The following UCHL3 variants were observed in gnomAD, a reference collection of about 807,000 sequenced individuals.
The protein encoded by UCHL3 is ubiquitin C-terminal hydrolase L3.
A neutral mutation model predicts 35.8 loss-of-function variants in UCHL3; 22 were observed. The ratio of observed to expected loss-of-function variants is 0.61; its 90% CI spans 0.44 to 0.88. UCHL3 has a LOEUF of 0.88. Ranked by LOEUF, UCHL3 falls within the 40% of genes least tolerant of loss-of-function variation. The pLI, the probability that UCHL3 is intolerant of heterozygous loss-of-function variation, is 0.00. For synonymous variants in UCHL3, 90 were observed against 92.8 expected (o/e 0.97, Z 0.17); for missense variants, 229 against 276.9 (o/e 0.83, Z 1.23).
chr13:75,569,282 A>T (rs1229819472), intron 5 of UCHL3, 178 bp from the exon 6 acceptor site: 2 of 479,388 alleles, frequency 4.2e-6, no homozygotes, highest in African/African-American at 2.0e-5. Flanking sequence ...ACAGTACAGC[A>T]ATTCATTTGA....
chr13:75,578,170 T>G (rs2032080382), intron 6 of UCHL3, among the ~76,000 whole-genome samples: 1 of 151,606 alleles, frequency 6.6e-6, no homozygotes, highest in Non-Finnish European at 1.5e-5. Flanking sequence ...ACCATGAACA[T>G]TTTTTTTGTT....
intron 6 of UCHL3, among the ~76,000 whole-genome samples, chr13:75,588,346 T>C (rs2032384184): frequency 6.6e-6 from 1 of 152,134 alleles, no homozygotes. Flanking sequence ...TCTCTTCCTT[T>C]ACATCATTTA....
chr13:75,582,116 G>T (rs1393580244), intron 6 of UCHL3, among the ~76,000 whole-genome samples: 1 of 144,928 alleles, frequency 6.9e-6, no homozygotes, highest in Non-Finnish European at 1.5e-5. Flanking sequence ...GTAGGTCCTT[G>T]TGCTTCTGAA....
intron 6 of UCHL3, among the ~76,000 whole-genome samples, chr13:75,576,396 A>AT (rs1367479579): frequency 2.0e-5 from 3 of 151,696 alleles, no homozygotes; most frequent in Non-Finnish European, 4.4e-5. Context: ...CACCCGGCTA[A>AT]TTTTTTGTAT....
At chr13:75,553,215 C>A (rs2031175519) in intron 2 of UCHL3, among the ~76,000 whole-genome samples, 1 of 152,164 alleles carries the variant, frequency 6.6e-6, no homozygotes, top group African/African-American at 2.4e-5. Context: ...TGAGCTGCTG[C>A]CTTACCTGTT....
At chr13:75,570,225 A>G (rs967517972) in intron 6 of UCHL3, among the ~76,000 whole-genome samples, 2 of 151,966 alleles carry the variant, frequency 1.3e-5, no homozygotes, top group African/African-American at 2.4e-5. Flanking sequence ...CCCATATGTG[A>G]CTTGAAACCA....
rs1393328297 is a variant in UCHL3 at position 75,559,088 on chromosome 13, G to A, written c.55-1665G>A. On this transcript the variant is annotated intron_variant, in intron 2 of 8. Transcript: ENST00000377595. ...GGAGTCTGGCTCTGTAGCCCAGGCT[G>A]GAGTGCAGTGGCGCAATCTCTGCTC... Among the ~76,000 whole-genome samples, 6 of 124,812 alleles carry A rather than the reference G, an allele frequency of 4.8e-5. No homozygotes were observed. The South Asian group carries it at 1.5e-3, about 31-fold the overall frequency. The allele number at this position is 124,812 out of a possible 152,430, so 81.9% of individuals were successfully genotyped here. A position where few individuals can be genotyped will look rare whatever the true frequency, so the allele number is the denominator to read the frequency against.
At chr13:75,598,679 T>G (rs1166413617) in intron 7 of UCHL3, among the ~76,000 whole-genome samples, 1 of 152,230 alleles carries the variant, frequency 6.6e-6, no homozygotes, top group Non-Finnish European at 1.5e-5. Flanking sequence ...TTCTTCTCAG[T>G]GCATCATATC....
intron 6 of UCHL3, among the ~76,000 whole-genome samples, chr13:75,589,399 C>A (rs906626116): frequency 3.9e-5 from 6 of 152,124 alleles, no homozygotes; most frequent in African/African-American, 1.4e-4. Flanking sequence ...TCCATGTAAC[C>A]TGTCAGCCTA....
chr13:75,592,354 A>C (rs1205825708), intron 6 of UCHL3, among the ~76,000 whole-genome samples: 3 of 142,666 alleles, frequency 2.1e-5, no homozygotes, highest in African/African-American at 7.7e-5. Context: ...TGTCAATATC[A>C]GGCAGCAGCT....
intron 6 of UCHL3, among the ~76,000 whole-genome samples, chr13:75,586,458 A>AC (rs61459966): frequency 1.1e-4 from 16 of 151,274 alleles, no homozygotes; most frequent in Admixed American, 1.3e-4. Flanking sequence ...AATCAATAAA[A>AC]AGATACAGAA....
At chr13:75,573,213 G>A (rs960283628) in intron 6 of UCHL3, among the ~76,000 whole-genome samples, 20 of 148,846 alleles carry the variant, frequency 1.3e-4, no homozygotes, top group Non-Finnish European at 2.7e-4. Flanking sequence ...GCAGTGAGCC[G>A]ATATCCCACC....
At chr13:75,571,394 A>G (rs1044546237) in intron 6 of UCHL3, among the ~76,000 whole-genome samples, 2 of 152,182 alleles carry the variant, frequency 1.3e-5, no homozygotes, top group Non-Finnish European at 2.9e-5. Context: ...CCTGTTAGAC[A>G]TCATCTGAAT....
At chr13:75,594,281 GTACT>G (rs2032585738) in intron 6 of UCHL3, among the ~76,000 whole-genome samples, 1 of 152,178 alleles carries the variant, frequency 6.6e-6, no homozygotes, top group African/African-American at 2.4e-5. Flanking sequence ...ACTGTGAATT[GTACT>G]TTAATTTGTT....
chr13:75,557,230 A>C (rs2031323278), intron 2 of UCHL3, among the ~76,000 whole-genome samples: 1 of 152,014 alleles, frequency 6.6e-6, no homozygotes, highest in Middle Eastern at 3.2e-3. Flanking sequence ...AAAAAAAGGA[A>C]GATAAAATGA....
intron 2 of UCHL3, among the ~76,000 whole-genome samples, chr13:75,550,876 G>A (rs533090917): frequency 1.3e-5 from 2 of 152,218 alleles, no homozygotes; most frequent in South Asian, 4.1e-4. Context: ...AAAGCTTGTA[G>A]CAAATTCCCT....
intron 7 of UCHL3, among the ~76,000 whole-genome samples, chr13:75,598,608 T>A (rs7996884): frequency 0.77 from 117,332 of 152,152 alleles, 46,011 homozygotes; most frequent in Middle Eastern, 0.88. Flanking sequence ...ATTTAGGCCA[T>A]CTGATTTATC....
At chr13:75,590,172 G>A in intron 6 of UCHL3, 1 of 1,222,062 alleles carries the variant, frequency 8.2e-7, no homozygotes, top group South Asian at 1.5e-5. Context: ...AGTGACAAGG[G>A]CTGTCTTTTT....
At chr13:75,572,685 G>C (rs2031899112) in intron 6 of UCHL3, among the ~76,000 whole-genome samples, 1 of 152,132 alleles carries the variant, frequency 6.6e-6, no homozygotes, top group African/African-American at 2.4e-5. Flanking sequence ...GGGGGTTAGG[G>C]GTGGCAAATC....
Sources: gnomAD v4.1 joint callset for allele counts (sites outside exome capture counted in the v4.1 genomes callset) on GRCh38, gnomAD v4.1.1 for gene constraint, MANE v1.5 for transcripts, NCBI Gene and HGNC (gene_info 2026-07-23, HGNC 2026-07-21) for gene names.